Variants in CHST6 observed in about 807,000 individuals in gnomAD.
CHST6 encodes the protein carbohydrate sulfotransferase 6.
For synonymous variants in CHST6, 309 were observed against 276.4 expected (o/e 1.12, Z -1.17); for missense variants, 698 against 586.2 (o/e 1.19, Z -1.97).
chr16:75,483,746 G>A (rs1373326034), intron 1 of CHST6, among the ~76,000 whole-genome samples: 2 of 152,176 alleles, frequency 1.3e-5, no homozygotes, highest in East Asian at 1.9e-4. Flanking sequence ...AGAGCCAGCC[G>A]GGTACGGTAA....
chr16:75,493,894 G>T (rs974419174), intron 1 of CHST6, among the ~76,000 whole-genome samples: 3 of 152,146 alleles, frequency 2.0e-5, no homozygotes, highest in Non-Finnish European at 2.9e-5. Context: ...GTCCAGACTG[G>T]AGTGAAGTAC....
chr16:75,479,550 G>A lies in CHST6; in HGVS notation c.279C>T (p.Arg93=). ...GSAATLHMAV[R]DLVRSVFLCD... ...ACAGGAAGACGGAGCGCACCAGGTC[G>A]CGCACAGCCATGTGCAGCGTTGCGG... The change falls in exon 3 of 3, where the codon CGC becomes CGT. Residue 93 remains arginine, a synonymous_variant. Transcript: ENST00000332272. 1.2e-6 allele frequency: 2 copies of A among 1,612,984 alleles called. No homozygotes were observed. Among genetic ancestry groups the A allele is most frequent in the Non-Finnish European group, 1.7e-6 (2 of 1,179,870 alleles).
In CHST6 at chr16:75,479,388, G is replaced by A. The variant is rs754119629; in HGVS notation, c.441C>T (p.Ala147=). The change falls in exon 3 of 3, where the codon GCC becomes GCT. Residue 147 remains alanine, a synonymous_variant. Transcript: ENST00000332272. The part of the protein sequence containing the change: ...AFPRGAISSE[A]VCKPLCARQS... ...GCCGCGCGCACAGTGGCTTGCACAC[G>A]GCCTCGCTGCTGATGGCGCCTCGGG... 3.7e-6 allele frequency: 6 copies of A among 1,612,468 alleles called. No individual in the cohort carries two copies. The highest frequency in any genetic ancestry group is 1.7e-4 in the Middle Eastern group (1 of 6,058).
chr16:75,479,687 A>C lies in CHST6; in HGVS notation c.142T>G (p.Ser48Ala). Residue 48 changes from serine to alanine, a missense_variant, in exon 3 of 3, where the codon TCG (serine) becomes GCG (alanine). By Grantham distance (99) the Ser-to-Ala change is moderately conservative (BLOSUM62 1). Coordinates refer to ENST00000332272, the MANE Select transcript of CHST6 (RefSeq NM_021615.5). ...ACGAAGGACGAGCCCGAGCGCCACG[A>C]GGACAGCACCAGCACATGCACGCGC... ...EARVHVLVLSSWRSGSSFVGQ... is the reference protein window; with the variant it reads ...EARVHVLVLSAWRSGSSFVGQ... 1 of 1,612,302 alleles carries C rather than the reference A, an allele frequency of 6.2e-7. No individual in the cohort carries two copies. The highest frequency in any genetic ancestry group is 1.1e-5 in the South Asian group (1 of 90,978).
At position 75,472,261 on chromosome 16, in the gene CHST6, A is replaced by T. The variant is rs538736187; in HGVS notation, c.*6380T>A. 2.0e-5 allele frequency: 3 copies of T among 152,374 alleles called. No homozygotes were observed. Among genetic ancestry groups the T allele is most frequent in the Non-Finnish European group, 4.4e-5 (3 of 68,034 alleles). 9.4% of individuals were successfully genotyped at this position (152,374 alleles called of 1,614,324 possible). On this transcript the variant is annotated 3_prime_UTR_variant, in exon 3 of 3. Coordinates refer to ENST00000332272, the MANE Select transcript of CHST6 (RefSeq NM_021615.5). ...TTTACACTTTATGTGCAGATGTTGT[A>T]TATCAATTATAGCTCAATGAAGCTT...
intron 1 of CHST6, among the ~76,000 whole-genome samples, chr16:75,492,372 G>A (rs549046858): frequency 1.3e-5 from 2 of 152,322 alleles, no homozygotes; most frequent in African/African-American, 4.8e-5. Flanking sequence ...CACAGGGTAC[G>A]GAGTGGGACT....
Position 75,472,317 on chromosome 16 carries a change from G to A in CHST6, c.*6324C>T, listed in dbSNP as rs1174800631. On this transcript the variant is annotated 3_prime_UTR_variant, in exon 3 of 3. Transcript: ENST00000332272. Reference sequence around the variant, plus strand: ...TTTTTAAGAAGCCTGAGGGGAAAATGCCATAAAGTAAGTTAACAAAACAAC... The same window carrying A: ...TTTTTAAGAAGCCTGAGGGGAAAATACCATAAAGTAAGTTAACAAAACAAC... 1.3e-5 allele frequency: 2 copies of A among 152,084 alleles called. No individual in the cohort carries two copies. Among genetic ancestry groups the A allele is most frequent in the African/African-American group, 2.4e-5 (1 of 41,416 alleles). 9.4% of individuals were successfully genotyped at this position (152,084 alleles called of 1,614,324 possible).
chr16:75,492,884 C>T (rs1331227364), intron 1 of CHST6, among the ~76,000 whole-genome samples: 1 of 151,968 alleles, frequency 6.6e-6, no homozygotes, highest in African/African-American at 2.4e-5. Flanking sequence ...AACCAAAAAA[C>T]ACATAGTCAA....
rs28937879 is a variant in CHST6 at position 75,479,230 on chromosome 16, A to C, written c.599T>G (p.Leu200Arg). 3.1e-4 allele frequency: 493 copies of C among 1,611,220 alleles called. No homozygotes were observed. The highest frequency in any genetic ancestry group is 4.0e-4 in the Non-Finnish European group (472 of 1,179,660). Reference protein sequence around the residue: ...DPALNLRIVHLVRDPRAVLRS... With the variant: ...DPALNLRIVHRVRDPRAVLRS... ...CAGCACGGCCCGCGGGTCGCGCACC[A>C]GGTGCACGATGCGTAGGTTGAGCGC... The change falls in exon 3 of 3, where the codon CTG becomes CGG. Residue 200 changes from leucine to arginine, a missense_variant. Physicochemically the swap from Leu to Arg is moderately radical, Grantham distance 102 (BLOSUM62 -2). Coordinates refer to ENST00000332272, the MANE Select transcript of CHST6 (RefSeq NM_021615.5).
At position 75,478,903 on chromosome 16, in the gene CHST6, C is replaced by A. The variant is rs1308679704; in HGVS notation, c.926G>T (p.Gly309Val). 2.5e-6 allele frequency: 4 copies of A among 1,613,118 alleles called. No individual in the cohort carries two copies. Among genetic ancestry groups the A allele is most frequent in the Non-Finnish European group, 3.4e-6 (4 of 1,179,958 alleles). ...LEAWIHNITH[G>V]SGPGARREAF... ...TTCGCGGCGCGCACCAGGTCCAGAT[C>A]CGTGGGTGATGTTATGGATCCAGGC... The change falls in exon 3 of 3, where the codon GGA (glycine) becomes GTA (valine). Residue 309 changes from glycine (G) to valine (V), a missense_variant. By Grantham distance (109) the Gly-to-Val change is moderately radical. Coordinates refer to ENST00000332272, the MANE Select transcript of CHST6 (RefSeq NM_021615.5).
intron 1 of CHST6, among the ~76,000 whole-genome samples, chr16:75,486,490 C>G (rs187346444): frequency 6.6e-6 from 1 of 152,354 alleles, no homozygotes; most frequent in Admixed American, 6.5e-5. Context: ...CAAGACAGAC[C>G]CACCTCTATA....
chr16:75,474,884 C>T lies in CHST6; in HGVS notation c.*3757G>A, dbSNP rs1054014824. 5 of 385,986 alleles carry T rather than the reference C, an allele frequency of 1.3e-5. No homozygotes were observed. The highest frequency in any genetic ancestry group is 2.3e-5 in the Non-Finnish European group (5 of 218,586). The allele number at this position is 385,986 out of a possible 1,614,324, so 23.9% of individuals were successfully genotyped here. ...GATCTCAGCTCACTGCAATCTCTGC[C>T]TCCTGGGTTCAAGCGATTCTCCTGT... On this transcript the variant is annotated 3_prime_UTR_variant, in exon 3 of 3. Transcript: ENST00000332272.
At position 75,475,094 on chromosome 16, in the gene CHST6, G is replaced by A. The variant is rs540649676; in HGVS notation, c.*3547C>T. 2.7e-4 allele frequency: 44 copies of A among 161,202 alleles called. No homozygotes were observed. Among genetic ancestry groups the A allele is most frequent in the South Asian group, 1.0e-3 (5 of 4,900 alleles). 10.0% of individuals were successfully genotyped at this position (161,202 alleles called of 1,614,324 possible). ...TACAGACATGAGCTACCATGCCTGC[G>A]CCCAGAAATAATGTTCTCTACCCAT... On this transcript the variant is annotated 3_prime_UTR_variant, in exon 3 of 3. Transcript: ENST00000332272.
intron 1 of CHST6, among the ~76,000 whole-genome samples, chr16:75,489,930 A>G (rs1188511062): frequency 2.0e-5 from 3 of 152,190 alleles, no homozygotes; most frequent in Non-Finnish European, 4.4e-5. Context: ...TAATCCCAGC[A>G]CTTTGGGAGG....
rs527363737 is a variant in CHST6, at chr16:75,474,301, G to A, written c.*4340C>T. The A allele has an allele frequency of 3.1e-6, 1 of 321,204 alleles. No individual in the cohort carries two copies. Among genetic ancestry groups the A allele is most frequent in the South Asian group, 1.6e-4 (1 of 6,310 alleles). 19.9% of individuals were successfully genotyped at this position (321,204 alleles called of 1,614,324 possible). ...TGGGGTCATTTATTTAGAGATAGGT[G>A]TCTTGCTCTGTCACTCAGGCTGGAG... On this transcript the variant is annotated 3_prime_UTR_variant, in exon 3 of 3. Coordinates refer to ENST00000332272, the MANE Select transcript of CHST6 (RefSeq NM_021615.5).
At chr16:75,494,382 T>A (rs1308164508) in intron 1 of CHST6, among the ~76,000 whole-genome samples, 2 of 152,116 alleles carry the variant, frequency 1.3e-5, no homozygotes, top group Non-Finnish European at 2.9e-5. Context: ...TGGGTTTAAG[T>A]CAGCCAACTC....
At position 75,479,147 on chromosome 16, in the gene CHST6, T is replaced by C. The variant is rs1363310844; in HGVS notation, c.682A>G (p.Thr228Ala). 6.2e-7 allele frequency: 1 copy of C among 1,606,952 alleles called. No homozygotes were observed. Among genetic ancestry groups the C allele is most frequent in the Non-Finnish European group, 8.5e-7 (1 of 1,178,890 alleles). ...LARDNGIVLG[T>A]NGTWVEADPG... ...TCGGCCTCCACCCACGTGCCGTTGG[T>C]GCCCAGCACGATGCCGTTGTCACGC... Residue 228 changes from threonine to alanine, a missense_variant, in exon 3 of 3, where the codon ACC becomes GCC. By Grantham distance (58) the Thr-to-Ala change is moderately conservative (BLOSUM62 0). Transcript: ENST00000332272.
In CHST6 at chr16:75,479,404, G is replaced by A. The variant is rs747699227; in HGVS notation, c.425C>T (p.Ala142Val). The A allele has an allele frequency of 1.9e-6, 3 of 1,612,774 alleles. No homozygotes were observed. Among genetic ancestry groups the A allele is most frequent in the Non-Finnish European group, 2.5e-6 (3 of 1,179,844 alleles). The change falls in exon 3 of 3, where the codon GCC becomes GTC. Residue 142 changes from alanine (A) to valine (V), a missense_variant. Transcript: ENST00000332272. ...PPACSAFPRG[A>V]ISSEAVCKPL... ...CTTGCACACGGCCTCGCTGCTGATG[G>A]CGCCTCGGGGAAAGGCACTGCAGGC...
At chr16:75,494,262 T>C (rs2080286714) in intron 1 of CHST6, among the ~76,000 whole-genome samples, 1 of 152,102 alleles carries the variant, frequency 6.6e-6, no homozygotes, top group Non-Finnish European at 1.5e-5. Context: ...ACTCTGTTTG[T>C]AGAACAAAGC....
Sources: gnomAD v4.1 joint callset for allele counts (sites outside exome capture counted in the v4.1 genomes callset) on GRCh38, gnomAD v4.1.1 for gene constraint, MANE v1.5 for transcripts, NCBI Gene and HGNC (gene_info 2026-07-23, HGNC 2026-07-21) for gene names.